CXCL14: variants seen among roughly 807,000 people sequenced by gnomAD.
CXCL14 encodes the protein C-X-C motif chemokine 14.
Under a neutral mutation model 16.1 loss-of-function variants are expected in CXCL14, and 9 were observed. The ratio of observed to expected loss-of-function variants is 0.56; its 90% CI spans 0.34 to 0.97. CXCL14 has a LOEUF of 0.97. Ranked by LOEUF, CXCL14 falls within the 50% of genes least tolerant of loss-of-function variation. CXCL14 has a pLI of 0.02. For missense variants in CXCL14, 111 were observed against 132.5 expected (o/e 0.84, Z 0.80); for synonymous variants, 55 against 52.8 (o/e 1.04, Z -0.18).
In CXCL14 at chr5:135,578,442, C is replaced by T. The variant is rs745590166; in HGVS notation, c.162G>A (p.Lys54=). Residue 54 remains lysine (K), a synonymous_variant, in exon 2 of 4, where the codon AAG becomes AAA. Transcript: ENST00000512158. ...GAGGAGCGAGAACTCACATAACCAT[C>T]TTCTCCTCGCAGTGCGGGTACTTTG... ...MKPKYPHCEE[K]MVIITTKSVS... 12 of 1,613,762 alleles carry T rather than the reference C, an allele frequency of 7.4e-6. No individual in the cohort carries two copies. The highest frequency in any genetic ancestry group is 8.5e-6 in the Non-Finnish European group (10 of 1,179,714).
intron 3 of CXCL14, among the ~76,000 whole-genome samples, chr5:135,574,264 G>A (rs1173083070): frequency 6.6e-6 from 1 of 152,232 alleles, no homozygotes; most frequent in Non-Finnish European, 1.5e-5. Flanking sequence ...AACAACTTAC[G>A]TAACTGAAAT....
chr5:135,578,897 C>T lies in CXCL14; in HGVS notation c.-119G>A, dbSNP rs1184639194. The T allele has an allele frequency of 1.1e-5, 13 of 1,141,880 alleles. No homozygotes were observed. The East Asian group carries it at 3.0e-4, about 26-fold the overall frequency. 70.7% of individuals were successfully genotyped at this position (1,141,880 alleles called of 1,614,324 possible). ...GCTTTCTCTGCCCGGGGCGCGCCTT[C>T]CGGCTCTGCTGGCTCCGGCTGCGCC... On this transcript the variant is annotated 5_prime_UTR_variant, in exon 1 of 4. Transcript: ENST00000512158.
chr5:135,571,680 G>A lies in CXCL14; in HGVS notation c.*173C>T, dbSNP rs536464445. The stretch of plus-strand genomic sequence containing the variant: ...CAGCTATAAAATGTAAAAACTGACC[G>A]TTGGTAAAAAGTGCTTCATAACAAT... On this transcript the variant is annotated 3_prime_UTR_variant, in exon 4 of 4. Transcript: ENST00000512158. 11 of 620,038 alleles carry A rather than the reference G, an allele frequency of 1.8e-5. No individual in the cohort carries two copies. In the South Asian group the frequency reaches 2.0e-4, roughly 11 times the overall value. The allele number at this position is 620,038 out of a possible 1,614,324, so 38.4% of individuals were successfully genotyped here.
intron 2 of CXCL14, among the ~76,000 whole-genome samples, chr5:135,575,009 C>T (rs894066439): frequency 3.3e-5 from 5 of 152,152 alleles, no homozygotes; most frequent in African/African-American, 4.8e-5. Flanking sequence ...GGGCTCAGGC[C>T]TCTTTTGGGG....
chr5:135,572,454 A>G (rs1219683076), intron 3 of CXCL14, among the ~76,000 whole-genome samples: 1 of 152,180 alleles, frequency 6.6e-6, no homozygotes, highest in East Asian at 1.9e-4. Flanking sequence ...GCAGTGGTGC[A>G]GGAGGCCTGT....
chr5:135,573,758 A>G (rs1751057839), intron 3 of CXCL14, among the ~76,000 whole-genome samples: 1 of 151,170 alleles, frequency 6.6e-6, no homozygotes, highest in Admixed American at 6.6e-5. Context: ...TGATCATGCT[A>G]TGCAGGCAAA....
intron 2 of CXCL14, among the ~76,000 whole-genome samples, chr5:135,577,051 T>C (rs1438335026): frequency 6.6e-6 from 1 of 152,186 alleles, no homozygotes; most frequent in Non-Finnish European, 1.5e-5. Context: ...TGCCTAGCTA[T>C]AGTTTTTCTC....
In CXCL14 at chr5:135,574,703, G is replaced by A; in HGVS notation, c.171-18C>T. The A allele has an allele frequency of 6.3e-7, 1 of 1,596,820 alleles. No homozygotes were observed. Among genetic ancestry groups the A allele is most frequent in the South Asian group, 1.1e-5 (1 of 90,676 alleles). Reference sequence around the variant, plus strand: ...TGGTGATGCTGAAACGGAGCAGGATGAGGTGGAGGGTTGAGGAGCCTGAAT... The same window carrying A: ...TGGTGATGCTGAAACGGAGCAGGATAAGGTGGAGGGTTGAGGAGCCTGAAT... On this transcript the variant is annotated intron_variant, in intron 2 of 3. Coordinates refer to ENST00000512158, the MANE Select transcript of CXCL14 (RefSeq NM_004887.5).
chr5:135,574,099 A>G (rs1751062943), intron 3 of CXCL14, among the ~76,000 whole-genome samples: 1 of 152,200 alleles, frequency 6.6e-6, no homozygotes, highest in African/African-American at 2.4e-5. Context: ...CTTGGAGAAG[A>G]AAACATGTTT....
chr5:135,571,762 TTTTTTTTTTTTTTTTTTTTTTTTAA>T lies in CXCL14; in HGVS notation c.*66_*90del. On this transcript the variant is annotated 3_prime_UTR_variant, in exon 4 of 4. Transcript: ENST00000512158. ...AAAGGCTTTTTTTTTTTTTTTTTTTTTTTTTTTTTTTTTTTTTTTTTTTAATCTGCAAAGTCCTTTGCACAAGTCT... is the reference window on the plus strand; with the variant it reads ...AAAGGCTTTTTTTTTTTTTTTTTTTTTCTGCAAAGTCCTTTGCACAAGTCT... 6.8e-6 allele frequency: 1 copy of T among 146,644 alleles called. No individual in the cohort carries two copies. The highest frequency in any genetic ancestry group is 1.0e-4 in the East Asian group (1 of 9,998). 9.1% of individuals were successfully genotyped at this position (146,644 alleles called of 1,614,324 possible).
In CXCL14 at chr5:135,571,635, A is replaced by T; in HGVS notation, c.*218T>A. ...GGAGCACAAGAGAGATGGGTCTCCC[A>T]TCTGGAAGCCTTTCGCACGCAGCTA... On this transcript the variant is annotated 3_prime_UTR_variant, in exon 4 of 4. Transcript: ENST00000512158. The T allele has an allele frequency of 1.9e-6, 1 of 523,778 alleles. No homozygotes were observed. Among genetic ancestry groups the T allele is most frequent in the Non-Finnish European group, 3.3e-6 (1 of 300,180 alleles). 32.4% of individuals were successfully genotyped at this position (523,778 alleles called of 1,614,324 possible).
Position 135,578,988 on chromosome 5 carries a change from C to A in CXCL14, c.-210G>T. The A allele has an allele frequency of 1.8e-6, 1 of 541,842 alleles. No individual in the cohort carries two copies. Among genetic ancestry groups the A allele is most frequent in the South Asian group, 2.8e-5 (1 of 35,124 alleles). 33.6% of individuals were successfully genotyped at this position (541,842 alleles called of 1,614,324 possible). A position where few individuals can be genotyped will look rare whatever the true frequency, so the allele number is the denominator to read the frequency against. On this transcript the variant is annotated 5_prime_UTR_variant, in exon 1 of 4. Transcript: ENST00000512158. ...CTCTGCGCTTGTCTCCGCGCTCTCT[C>A]CACAGCCTCCCTCCGCCCGCCCTGG... is the stretch of plus-strand genomic sequence containing the variant.
Position 135,578,914 on chromosome 5 carries a change from G to C in CXCL14, c.-136C>G. ...CGCGCCTTCCGGCTCTGCTGGCTCC[G>C]GCTGCGCCGTCGGTGGATGCCCAGG... On this transcript the variant is annotated 5_prime_UTR_variant, in exon 1 of 4. Transcript: ENST00000512158. 4.1e-6 allele frequency: 4 copies of C among 970,284 alleles called. No homozygotes were observed. The highest frequency in any genetic ancestry group is 1.9e-5 in the South Asian group (1 of 52,082). 60.1% of individuals were successfully genotyped at this position (970,284 alleles called of 1,614,324 possible).
At position 135,571,706 on chromosome 5, in the gene CXCL14, A is replaced by G. The variant is rs766221328; in HGVS notation, c.*147T>C. 2.5e-6 allele frequency: 2 copies of G among 796,460 alleles called. No individual in the cohort carries two copies. The highest frequency in any genetic ancestry group is 3.7e-5 in the Admixed American group (1 of 27,066). The allele number at this position is 796,460 out of a possible 1,614,324, so 49.3% of individuals were successfully genotyped here. Reference sequence around the variant, plus strand: ...TTGGTAAAAAGTGCTTCATAACAATATATAATTTGTGTCTTATGCCTGTGA... The same window carrying G: ...TTGGTAAAAAGTGCTTCATAACAATGTATAATTTGTGTCTTATGCCTGTGA... On this transcript the variant is annotated 3_prime_UTR_variant, in exon 4 of 4. Coordinates refer to ENST00000512158, the MANE Select transcript of CXCL14 (RefSeq NM_004887.5).
At chr5:135,571,998 C>A (rs1751037109) in intron 3 of CXCL14, 130 bp from the exon 4 acceptor site, 3 of 853,824 alleles carry the variant, frequency 3.5e-6, no homozygotes, top group South Asian at 1.6e-5. Flanking sequence ...CAGGAACCCC[C>A]AGGAGAAGTG....
chr5:135,578,547 C>G lies in CXCL14; in HGVS notation c.65-8G>C, dbSNP rs201072568. The stretch of plus-strand genomic sequence containing the variant: ...AGCACTTGCATTTGGACCCTGCGAG[C>G]GAGCGCGGGGCAACGGCTTAGTTGC... On this transcript the variant is annotated splice_polypyrimidine_tract_variant and splice_region_variant and intron_variant, in intron 1 of 3. Transcript: ENST00000512158. 1.6e-4 allele frequency: 265 copies of G among 1,613,688 alleles called. No individual in the cohort carries two copies. The highest frequency in any genetic ancestry group is 2.1e-4 in the Non-Finnish European group (244 of 1,179,712).
rs1751016345 is a variant in CXCL14 at position 135,570,916 on chromosome 5, A to G, written c.*937T>C. 6.6e-6 allele frequency: 1 copy of G among 152,208 alleles called. No homozygotes were observed. Among genetic ancestry groups the G allele is most frequent in the Admixed American group, 6.5e-5 (1 of 15,278 alleles). The allele number at this position is 152,208 out of a possible 1,614,324, so 9.4% of individuals were successfully genotyped here. On this transcript the variant is annotated 3_prime_UTR_variant, in exon 4 of 4. Transcript: ENST00000512158. The stretch of plus-strand genomic sequence containing the variant: ...GCACTGTTTAACATTGAAGAATTAC[A>G]TGGGGAATCACAAATATATTGCTTT...
At chr5:135,574,734 G>T in intron 2 of CXCL14, 49 bp from the exon 3 acceptor site, 2 of 1,469,032 alleles carry the variant, frequency 1.4e-6, no homozygotes, top group South Asian at 1.1e-5. Flanking sequence ...TGAATAACAT[G>T]TTGCCTCTTG....
rs1580692790 is a variant in CXCL14, at chr5:135,571,761, TTTTTTTTTTTTTTTTTTTTTTTTTA to T, written c.*67_*91del. 372 of 122,788 alleles carry T rather than the reference TTTTTTTTTTTTTTTTTTTTTTTTTA, an allele frequency of 3.0e-3. No individual in the cohort carries two copies. The East Asian group carries it at 0.037, about 12-fold the overall frequency. 7.6% of individuals were successfully genotyped at this position (122,788 alleles called of 1,614,324 possible). A position where few individuals can be genotyped will look rare whatever the true frequency, so the allele number is the denominator to read the frequency against. On this transcript the variant is annotated 3_prime_UTR_variant, in exon 4 of 4. Coordinates refer to ENST00000512158, the MANE Select transcript of CXCL14 (RefSeq NM_004887.5). Reference sequence around the variant, plus strand: ...GAAAGGCTTTTTTTTTTTTTTTTTTTTTTTTTTTTTTTTTTTTTTTTTTTAATCTGCAAAGTCCTTTGCACAAGTC... The same window carrying T: ...GAAAGGCTTTTTTTTTTTTTTTTTTTATCTGCAAAGTCCTTTGCACAAGTC...
Sources: allele counts gnomAD v4.1 joint callset (sites outside exome capture counted in the v4.1 genomes callset), GRCh38; gene constraint gnomAD v4.1.1; transcripts MANE v1.5; gene names NCBI Gene and HGNC (gene_info 2026-07-23, HGNC 2026-07-21).